INVS: variants seen among roughly 807,000 people sequenced by gnomAD.
INVS encodes the protein inversin, also known as inversion of embryo turning homolog.
In INVS, 86 loss-of-function variants were observed where a neutral mutation model predicts 108.8. The ratio of observed to expected loss-of-function variants is 0.79; its 90% CI spans 0.66 to 0.95. The LOEUF is 0.95. INVS is among the 40% of genes least tolerant of loss of function. The pLI is 0.00. For synonymous variants in INVS, 455 were observed against 473.5 expected (o/e 0.96, Z 0.51); for missense variants, 1,169 against 1,297.4 (o/e 0.90, Z 1.52).
At chr9:100,191,489 T>C (rs981407909) in intron 3 of INVS, among the ~76,000 whole-genome samples, 36 of 152,202 alleles carry the variant, frequency 2.4e-4, no homozygotes, top group African/African-American at 8.4e-4. Context: ...TTCCTGTGCA[T>C]TTTTTAATTC....
At chr9:100,234,103 G>C (rs1161524179) in intron 5 of INVS, among the ~76,000 whole-genome samples, 1 of 152,180 alleles carries the variant, frequency 6.6e-6, no homozygotes, top group Non-Finnish European at 1.5e-5. Context: ...TCCTGGGAGG[G>C]TGTATGTGTC....
At chr9:100,147,898 A>T (rs1175071763) in intron 3 of INVS, among the ~76,000 whole-genome samples, 1 of 152,002 alleles carries the variant, frequency 6.6e-6, no homozygotes, top group African/African-American at 2.4e-5. Context: ...TAAAAAATAA[A>T]CAAGGCCAGG....
chr9:100,106,361 C>T (rs1324562055), intron 2 of INVS, among the ~76,000 whole-genome samples: 1 of 152,098 alleles, frequency 6.6e-6, no homozygotes, highest in African/African-American at 2.4e-5. Context: ...TTCAACCTTT[C>T]TTCTATGCTA....
intron 5 of INVS, among the ~76,000 whole-genome samples, chr9:100,231,165 GATAGTCCA>G (rs1375818539): frequency 6.6e-6 from 1 of 152,108 alleles, no homozygotes; most frequent in African/African-American, 2.4e-5. Flanking sequence ...TACATGCTAT[GATAGTCCA>G]ATAGTTAGTC....
At chr9:100,172,758 T>C (rs1829581749) in intron 3 of INVS, among the ~76,000 whole-genome samples, 1 of 152,186 alleles carries the variant, frequency 6.6e-6, no homozygotes, top group Non-Finnish European at 1.5e-5. Context: ...AGGTAGGCAG[T>C]GGTCAACTTG....
chr9:100,163,124 C>T (rs1829243005), intron 3 of INVS, among the ~76,000 whole-genome samples: 1 of 151,698 alleles, frequency 6.6e-6, no homozygotes, highest in Admixed American at 6.6e-5. Flanking sequence ...AAAACCAGCT[C>T]TACAGACTCT....
intron 5 of INVS, among the ~76,000 whole-genome samples, chr9:100,236,848 T>G (rs893389660): frequency 6.6e-6 from 1 of 152,174 alleles, no homozygotes; most frequent in East Asian, 1.9e-4. Flanking sequence ...AGGGACCCAC[T>G]TGGGGAGGCA....
At position 100,246,152 on chromosome 9, in the gene INVS, C is replaced by CA. The variant is rs200509802; in HGVS notation, c.907-454dup. ...TGGGCAACAGAGTAAGACTCCCTCT[C>CA]AAAAAAAAAAGAAAAAGAAAAAAGA... On this transcript the variant is annotated intron_variant, in intron 7 of 16. Transcript: ENST00000262457. Among the ~76,000 whole-genome samples, 311 of 97,734 alleles carry CA rather than the reference C, an allele frequency of 3.2e-3. 2 individuals are homozygous for CA. Among genetic ancestry groups the CA allele is most frequent in the African/African-American group, 0.01 (213 of 20,822 alleles). The allele number at this position is 97,734 out of a possible 152,430, so 64.1% of individuals were successfully genotyped here. A position where few individuals can be genotyped will look rare whatever the true frequency, so the allele number is the denominator to read the frequency against.
In INVS at chr9:100,100,737, A is replaced by G. The variant is rs1486848686; in HGVS notation, c.-25+1321A>G. Among the ~76,000 whole-genome samples the G allele has an allele frequency of 6.5e-4, 38 of 58,198 alleles. 5 individuals are homozygous for G. Among genetic ancestry groups the G allele is most frequent in the Non-Finnish European group, 1.0e-3 (36 of 34,442 alleles). 38.2% of individuals were successfully genotyped at this position (58,198 alleles called of 152,430 possible). A position where few individuals can be genotyped will look rare whatever the true frequency, so the allele number is the denominator to read the frequency against. On this transcript the variant is annotated intron_variant, in intron 1 of 16. Transcript: ENST00000262457. ...TATATTATATGTACATATAATATAT[A>G]TATTATATGTACATATAATATATAT...
intron 3 of INVS, among the ~76,000 whole-genome samples, chr9:100,172,403 A>G (rs1829569002): frequency 6.6e-6 from 1 of 152,228 alleles, no homozygotes; most frequent in Non-Finnish European, 1.5e-5. Context: ...CGTTCTGGAT[A>G]CAGTTTAATA....
At chr9:100,292,009 G>A (rs757776052) in intron 13 of INVS, among the ~76,000 whole-genome samples, 1 of 152,144 alleles carries the variant, frequency 6.6e-6, no homozygotes, top group Non-Finnish European at 1.5e-5. Context: ...ACAGTCACTG[G>A]ATCAGCTCAC....
intron 3 of INVS, among the ~76,000 whole-genome samples, chr9:100,185,957 A>C (rs1284741556): frequency 2.0e-5 from 3 of 152,092 alleles, no homozygotes; most frequent in East Asian, 3.9e-4. Flanking sequence ...GTTGATGGGC[A>C]CTTAGGTTGA....
intron 4 of INVS, among the ~76,000 whole-genome samples, chr9:100,227,662 G>A (rs1301746156): frequency 1.3e-5 from 2 of 151,510 alleles, no homozygotes; most frequent in Non-Finnish European, 2.9e-5. Context: ...AGCCAGGGAA[G>A]GCCATGAAGA....
At chr9:100,283,324 A>G (rs56302936) in intron 12 of INVS, among the ~76,000 whole-genome samples, 4,281 of 152,224 alleles carry the variant, frequency 0.028, 193 homozygotes, top group African/African-American at 0.098. Context: ...AAATAAATAC[A>G]AAATATAACA....
intron 3 of INVS, among the ~76,000 whole-genome samples, chr9:100,211,676 C>T (rs1286494662): frequency 6.6e-6 from 1 of 152,176 alleles, no homozygotes; most frequent in Non-Finnish European, 1.5e-5. Flanking sequence ...CTTAGAGCAA[C>T]TAAAGATGTT....
intron 3 of INVS, among the ~76,000 whole-genome samples, chr9:100,133,839 G>T (rs1054377682): frequency 1.5e-4 from 21 of 141,408 alleles, no homozygotes; most frequent in Admixed American, 4.6e-4. Context: ...CATGCTCCCA[G>T]CCCCGGTAAT....
intron 12 of INVS, among the ~76,000 whole-genome samples, chr9:100,275,949 C>T (rs1272166819): frequency 6.6e-6 from 1 of 152,140 alleles, no homozygotes; most frequent in East Asian, 1.9e-4. Flanking sequence ...TAAAATAAAA[C>T]CATATTTATG....
chr9:100,226,374 G>GATTTCAT (rs754286858), intron 4 of INVS, 139 bp downstream of exon 4: 1 of 686,726 alleles, frequency 1.5e-6, no homozygotes, highest in Non-Finnish European at 2.4e-6. Context: ...TACATCTCAG[G>GATTTCAT]GAAGTATTTC....
intron 10 of INVS, among the ~76,000 whole-genome samples, chr9:100,261,023 C>A (rs906448478): frequency 2.0e-5 from 3 of 152,018 alleles, no homozygotes; most frequent in Admixed American, 6.6e-5. Flanking sequence ...TCCCCAGTTG[C>A]GTAGTATTAA....
Sources: allele counts gnomAD v4.1 joint callset (sites outside exome capture counted in the v4.1 genomes callset), GRCh38; gene constraint gnomAD v4.1.1; transcripts MANE v1.5; gene names NCBI Gene and HGNC (gene_info 2026-07-23, HGNC 2026-07-21).